The following TESPA1 variants were observed in gnomAD, a reference collection of about 807,000 sequenced individuals.
The protein encoded by TESPA1 is protein TESPA1.
A neutral mutation model predicts 57.9 loss-of-function variants in TESPA1; 33 were observed. The observed-to-expected ratio is 0.57, with a 90% CI of 0.43 to 0.76. The LOEUF (loss-of-function observed/expected upper bound fraction) is 0.76. Among genes scored for constraint, TESPA1 ranks in the 30% least tolerant of loss-of-function variants. The probability of loss-of-function intolerance (pLI) is 0.00; values close to 1 mark genes in which losing one functional copy is unlikely to be tolerated. For synonymous variants in TESPA1, 227 were observed against 228.9 expected (o/e 0.99, Z 0.07); for missense variants, 618 against 632.9 (o/e 0.98, Z 0.25).
chr12:54,951,737 C>T (rs1296438406), intron 10 of TESPA1, among the ~76,000 whole-genome samples: 1 of 151,898 alleles, frequency 6.6e-6, no homozygotes, highest in African/African-American at 2.4e-5. Flanking sequence ...CTACACCCTC[C>T]TTCTTGAGAG....
chr12:54,976,943 T>A (rs1370913652), intron 1 of TESPA1, among the ~76,000 whole-genome samples: 2 of 152,082 alleles, frequency 1.3e-5, no homozygotes, highest in Non-Finnish European at 2.9e-5. Flanking sequence ...CTCCTTCTCT[T>A]CATCTTCCTC....
intron 8 of TESPA1, among the ~76,000 whole-genome samples, chr12:54,963,481 A>T (rs1282879870): frequency 6.6e-6 from 1 of 152,244 alleles, no homozygotes; most frequent in Non-Finnish European, 1.5e-5. Context: ...ATTTATAGAC[A>T]TCATGCTGAT....
intron 10 of TESPA1, among the ~76,000 whole-genome samples, chr12:54,954,847 A>T (rs1447255103): frequency 6.6e-6 from 1 of 152,196 alleles, no homozygotes; most frequent in Non-Finnish European, 1.5e-5. Context: ...GATGGACATT[A>T]AGTTTGTTTC....
chr12:54,966,325 C>T (rs1444665518), intron 6 of TESPA1, 63 bp downstream of exon 6: 2 of 1,609,530 alleles, frequency 1.2e-6, no homozygotes, highest in African/African-American at 2.7e-5. Context: ...ATCTCTTTGA[C>T]CTACCCCAAT....
intron 3 of TESPA1, among the ~76,000 whole-genome samples, chr12:54,972,347 G>T (rs1311724605): frequency 6.6e-6 from 1 of 152,176 alleles, no homozygotes; most frequent in Non-Finnish European, 1.5e-5. Flanking sequence ...CAGATAATCA[G>T]ACAGTTAGCA....
At chr12:54,952,132 T>C (rs567476178) in intron 10 of TESPA1, among the ~76,000 whole-genome samples, 4 of 152,314 alleles carry the variant, frequency 2.6e-5, no homozygotes, top group South Asian at 2.1e-4. Flanking sequence ...ATCTTGGCTA[T>C]ATAAGAAGAG....
Position 54,962,786 on chromosome 12 carries a change from C to G in TESPA1, c.1112G>C (p.Arg371Thr). The change falls in exon 9 of 11, where the codon AGG becomes ACG. Residue 371 changes from arginine to threonine, a missense_variant. Physicochemically the swap from Arg to Thr is moderately conservative, Grantham distance 71 (BLOSUM62 -1). This residue lies in a region of TESPA1 where 409 missense variants were observed against 420.1 expected (regional missense o/e 0.97). Coordinates refer to ENST00000449076, the MANE Select transcript of TESPA1 (RefSeq NM_001136030.3). ...GGATGGTGCTAGCACTGTGGACATC[C>G]TCTGCTGTGTTTCCTCTTCACAGCA... ...VFCCEEETQQ[R>T]MSTVLAPSQT... The G allele has an allele frequency of 1.2e-6, 2 of 1,613,878 alleles. No homozygotes were observed. Among genetic ancestry groups the G allele is most frequent in the Non-Finnish European group, 1.7e-6 (2 of 1,179,870 alleles).
chr12:54,963,757 A>G lies in TESPA1; in HGVS notation c.640T>C (p.Cys214Arg). 6.2e-7 allele frequency: 1 copy of G among 1,612,832 alleles called. No individual in the cohort carries two copies. The highest frequency in any genetic ancestry group is 8.5e-7 in the Non-Finnish European group (1 of 1,179,636). The change falls in exon 8 of 11, where the codon TGC (cysteine) becomes CGC (arginine). Residue 214 changes from cysteine to arginine, a missense_variant. Physicochemically the swap from Cys to Arg is radical, Grantham distance 180. Transcript: ENST00000449076. ...QVRRIEMEDP[C>R]LMLASRFKQV... The stretch of plus-strand genomic sequence containing the variant: ...GGACACTCACTGGCCAGCATGAGGC[A>G]GGGGTCTTCCATTTCAATCCTCCGC...
chr12:54,954,173 T>G (rs1950592304), intron 10 of TESPA1, among the ~76,000 whole-genome samples: 1 of 152,146 alleles, frequency 6.6e-6, no homozygotes, highest in Non-Finnish European at 1.5e-5. Flanking sequence ...CCTAAACTTC[T>G]GCTCAATCAG....
chr12:54,973,588 C>G, intron 2 of TESPA1, 69 bp from the exon 3 acceptor site: 1 of 1,612,096 alleles, frequency 6.2e-7, no homozygotes, highest in Non-Finnish European at 8.5e-7. Context: ...GCAACTAATT[C>G]CATTCCACAA....
At chr12:54,977,848 A>AT (rs1272996814) in intron 1 of TESPA1, among the ~76,000 whole-genome samples, 1 of 152,096 alleles carries the variant, frequency 6.6e-6, no homozygotes, top group Non-Finnish European at 1.5e-5. Context: ...TGCATAAATA[A>AT]TTTTTTTCCC....
intron 1 of TESPA1, among the ~76,000 whole-genome samples, chr12:54,975,499 C>T (rs1218056137): frequency 6.6e-6 from 1 of 152,028 alleles, no homozygotes; most frequent in African/African-American, 2.4e-5. Context: ...CTTAAAAAAG[C>T]TTGAAGCTAA....
rs987373859 is a variant in TESPA1, at chr12:54,961,125, T to A, written c.*1+43A>T. 4 of 1,603,882 alleles carry A rather than the reference T, an allele frequency of 2.5e-6. No individual in the cohort carries two copies. The East Asian group carries it at 8.9e-5, about 36-fold the overall frequency. On this transcript the variant is annotated intron_variant, in intron 10 of 10. Coordinates refer to ENST00000449076, the MANE Select transcript of TESPA1 (RefSeq NM_001136030.3). ...AAAAACCTTCCTCATTTGATTACAA[T>A]GTGCAGCCAGGTTTGAGAACTGCCT...
chr12:54,966,343 T>C (rs368033809), intron 6 of TESPA1, 45 bp downstream of exon 6: 2 of 1,613,370 alleles, frequency 1.2e-6, no homozygotes, highest in African/African-American at 2.7e-5. Flanking sequence ...AATTCACTGA[T>C]TCTTAAAGGA....
At chr12:54,963,387 A>G (rs1951209880) in intron 8 of TESPA1, 145 bp from the exon 9 acceptor site, 3 of 878,490 alleles carry the variant, frequency 3.4e-6, no homozygotes, top group Non-Finnish European at 3.4e-6. Flanking sequence ...TAGATTTCTA[A>G]CACTCTTTTT....
intron 4 of TESPA1, among the ~76,000 whole-genome samples, chr12:54,967,543 C>T (rs548278576): frequency 6.6e-6 from 1 of 152,138 alleles, no homozygotes; most frequent in African/African-American, 2.4e-5. Context: ...TGCACTCACA[C>T]CCATATAAAC....
At chr12:54,954,905 AAT>A (rs1331838475) in intron 10 of TESPA1, among the ~76,000 whole-genome samples, 4 of 152,238 alleles carry the variant, frequency 2.6e-5, no homozygotes, top group African/African-American at 9.6e-5. Context: ...TAGGAGTGCT[AAT>A]ATCTCTTCAA....
At chr12:54,955,416 C>T (rs1950672027) in intron 10 of TESPA1, among the ~76,000 whole-genome samples, 2 of 152,212 alleles carry the variant, frequency 1.3e-5, no homozygotes, top group Admixed American at 1.3e-4. Context: ...AACTTAAGCA[C>T]TTTGTTTTAA....
chr12:54,956,041 G>A (rs1484414164), intron 10 of TESPA1, among the ~76,000 whole-genome samples: 1 of 152,184 alleles, frequency 6.6e-6, no homozygotes, highest in African/African-American at 2.4e-5. Flanking sequence ...ATATCCATAA[G>A]TGCTAAAGAT....
Sources: allele counts gnomAD v4.1 joint callset (sites outside exome capture counted in the v4.1 genomes callset), GRCh38; gene constraint gnomAD v4.1.1; regional missense constraint gnomAD v4.1.1; transcripts MANE v1.5; gene names NCBI Gene and HGNC (gene_info 2026-07-23, HGNC 2026-07-21).